Variants in CYP19A1 observed in about 807,000 individuals in gnomAD.
The protein encoded by CYP19A1 is aromatase.
Under a neutral mutation model 44.4 loss-of-function variants are expected in CYP19A1, and 32 were observed. That is an observed-to-expected ratio of 0.72 (90% CI 0.54 to 0.97). The LOEUF (loss-of-function observed/expected upper bound fraction) is 0.97. Among genes scored for constraint, CYP19A1 ranks in the 50% least tolerant of loss-of-function variants. The pLI, the probability that CYP19A1 is intolerant of heterozygous loss-of-function variation, is 0.00. For missense variants in CYP19A1, 598 were observed against 637.8 expected (o/e 0.94, Z 0.67); for synonymous variants, 212 against 215.6 (o/e 0.98, Z 0.14).
intron 6 of CYP19A1, among the ~76,000 whole-genome samples, chr15:51,217,867 C>T (rs560113360): frequency 2.1e-3 from 320 of 152,234 alleles, no homozygotes; most frequent in South Asian, 3.3e-3. Context: ...ATTCCACAGG[C>T]TTTCCACTGG....
At chr15:51,240,053 G>T (rs867574176) in intron 2 of CYP19A1, among the ~76,000 whole-genome samples, 1 of 32,856 alleles carries the variant, frequency 3.0e-5, no homozygotes, top group Non-Finnish European at 6.2e-5. Flanking sequence ...TTCCAACCCC[G>T]CCCCCCTCCC....
At position 51,210,901 on chromosome 15, in the gene CYP19A1, C is replaced by T; in HGVS notation, c.1419G>A (p.Lys473=). Residue 473 remains lysine, a synonymous_variant, in exon 10 of 10, where the codon AAG becomes AAA. Transcript: ENST00000396402. ...CTGGGTGCAAGGACAAGTCGTGTAT[C>T]TTCTGTATGCTCTCAACACACTGTC... ...LQGQCVESIQ[K]IHDLSLHPDE... 1.3e-6 allele frequency: 2 copies of T among 1,597,380 alleles called. No homozygotes were observed. Among genetic ancestry groups the T allele is most frequent in the Non-Finnish European group, 1.7e-6 (2 of 1,164,766 alleles).
chr15:51,337,321 A>G (rs916327475), intron 1 of CYP19A1, among the ~76,000 whole-genome samples: 1 of 152,228 alleles, frequency 6.6e-6, no homozygotes, highest in African/African-American at 2.4e-5. Flanking sequence ...CTAACAGCAC[A>G]AGGCACACAC....
chr15:51,225,424 T>G (rs1352710340), intron 4 of CYP19A1, among the ~76,000 whole-genome samples: 1 of 152,242 alleles, frequency 6.6e-6, no homozygotes, highest in Non-Finnish European at 1.5e-5. Flanking sequence ...TTATTTCATT[T>G]GTTCTTCACA....
chr15:51,242,398 G>A, intron 2 of CYP19A1: 1 of 307,714 alleles, frequency 3.2e-6, no homozygotes, highest in East Asian at 8.3e-5. Context: ...AGATGTTCCA[G>A]AGACATTTTC....
intron 1 of CYP19A1, among the ~76,000 whole-genome samples, chr15:51,300,611 C>A (rs1160836619): frequency 6.6e-6 from 1 of 152,282 alleles, no homozygotes; most frequent in South Asian, 2.1e-4. Context: ...AGCTCCAGAA[C>A]CCCCTGTGCC....
chr15:51,316,967 G>A (rs2036437576), intron 1 of CYP19A1, among the ~76,000 whole-genome samples: 1 of 152,204 alleles, frequency 6.6e-6, no homozygotes, highest in South Asian at 2.1e-4. Context: ...GCAGCCATAT[G>A]GGACTATGAG....
intron 1 of CYP19A1, among the ~76,000 whole-genome samples, chr15:51,278,350 G>A (rs1240654462): frequency 6.6e-6 from 1 of 152,168 alleles, no homozygotes; most frequent in African/African-American, 2.4e-5. Context: ...CTGTGCGTAC[G>A]CTCCTGTGAA....
intron 1 of CYP19A1, among the ~76,000 whole-genome samples, chr15:51,321,332 G>A (rs1004984): frequency 0.4 from 60,455 of 151,742 alleles, 12,486 homozygotes; most frequent in African/African-American, 0.47. Context: ...GCCTACTGTT[G>A]GGGGAGCCCA....
intron 1 of CYP19A1, among the ~76,000 whole-genome samples, chr15:51,289,655 T>C (rs945807391): frequency 8.5e-5 from 13 of 152,278 alleles, no homozygotes; most frequent in Admixed American, 7.8e-4. Context: ...CTGGGCATCC[T>C]CTCCCCACCC....
At chr15:51,281,235 T>C (rs1185356041) in intron 1 of CYP19A1, among the ~76,000 whole-genome samples, 1 of 152,218 alleles carries the variant, frequency 6.6e-6, no homozygotes, top group Non-Finnish European at 1.5e-5. Flanking sequence ...TCCAGTGTAG[T>C]GACCACAACT....
intron 1 of CYP19A1, among the ~76,000 whole-genome samples, chr15:51,260,287 A>T (rs1331979790): frequency 6.6e-6 from 1 of 152,244 alleles, no homozygotes; most frequent in African/African-American, 2.4e-5. Context: ...TTTTTGGAAA[A>T]GCATTAAATG....
At chr15:51,238,336 A>C (rs1158291066) in intron 2 of CYP19A1, among the ~76,000 whole-genome samples, 1 of 152,230 alleles carries the variant, frequency 6.6e-6, no homozygotes, top group Non-Finnish European at 1.5e-5. Flanking sequence ...CTGTCATTAG[A>C]TATATTAACT....
At chr15:51,307,063 T>G (rs1403748872) in intron 1 of CYP19A1, among the ~76,000 whole-genome samples, 1 of 152,102 alleles carries the variant, frequency 6.6e-6, no homozygotes, top group Non-Finnish European at 1.5e-5. Context: ...CAATCAGTGG[T>G]GGAAGTTTTG....
chr15:51,279,562 A>G (rs887357287), intron 1 of CYP19A1, among the ~76,000 whole-genome samples: 2 of 152,230 alleles, frequency 1.3e-5, no homozygotes, highest in South Asian at 4.1e-4. Flanking sequence ...TTTCCTCAGC[A>G]AGAGGAAAAA....
intron 1 of CYP19A1, among the ~76,000 whole-genome samples, chr15:51,332,646 C>G (rs2036719401): frequency 6.6e-6 from 1 of 152,172 alleles, no homozygotes; most frequent in Non-Finnish European, 1.5e-5. Context: ...ACCCTTTTAT[C>G]TGGTGGAAGA....
chr15:51,337,789 T>C (rs1258214247), intron 1 of CYP19A1: 2 of 152,492 alleles, frequency 1.3e-5, no homozygotes, highest in Non-Finnish European at 2.9e-5. Context: ...ACAGCCACTT[T>C]AGGGTGAGAG....
intron 1 of CYP19A1, among the ~76,000 whole-genome samples, chr15:51,310,075 A>T (rs569807199): frequency 3.9e-5 from 6 of 152,312 alleles, no homozygotes; most frequent in Non-Finnish European, 7.4e-5. Flanking sequence ...CTATTTTGGG[A>T]TTCTGTCCGT....
At chr15:51,288,686 C>T (rs925878286) in intron 1 of CYP19A1, among the ~76,000 whole-genome samples, 4 of 152,232 alleles carry the variant, frequency 2.6e-5, no homozygotes, top group African/African-American at 9.6e-5. Context: ...TCTGGCCCCA[C>T]AAGCCTGCTC....
Sources: gnomAD v4.1 joint callset for allele counts (sites outside exome capture counted in the v4.1 genomes callset) on GRCh38, gnomAD v4.1.1 for gene constraint, MANE v1.5 for transcripts, NCBI Gene and HGNC (gene_info 2026-07-23, HGNC 2026-07-21) for gene names.